Variants in RHOBTB3 observed in about 807,000 individuals in gnomAD.
RHOBTB3 encodes Rho related BTB domain containing 3, also known as rho-related BTB domain-containing protein 3.
In RHOBTB3, 47 loss-of-function variants were observed where a neutral mutation model predicts 67.2. That is an observed-to-expected ratio of 0.70 (90% CI 0.55 to 0.89). The LOEUF (loss-of-function observed/expected upper bound fraction) is 0.89, where lower values mean the gene tolerates loss of function less well. RHOBTB3 is among the 40% of genes least tolerant of loss of function. The pLI, the probability that RHOBTB3 is intolerant of heterozygous loss-of-function variation, is 0.00. For missense variants in RHOBTB3, 631 were observed against 750.0 expected, an observed-to-expected ratio of 0.84 and a Z score of 1.85; for synonymous variants, 273 against 274.2, an observed-to-expected ratio of 1.00 and a Z score of 0.04.
chr5:95,781,849 CAA>C (rs542146426), intron 9 of RHOBTB3: 19 of 58,812 alleles, frequency 3.2e-4, no homozygotes, highest in African/African-American at 2.6e-3. Flanking sequence ...GACTCCGTCT[CAA>C]AAAAAGACTT....
rs1481902347 is a variant in RHOBTB3, at chr5:95,720,715, T to C, written n.133+2950T>C. 3.9e-5 allele frequency among the ~76,000 whole-genome samples: 6 copies of C among 152,186 alleles called. No homozygotes were observed. In the East Asian group the frequency reaches 1.2e-3, roughly 29 times the overall value. On this transcript the variant is annotated intron_variant and non_coding_transcript_variant, in intron 1 of 5. Transcript: ENST00000504949. ...CCAGGGCTTCACATTTCTGAGTGTC[T>C]CATTCTTTTTGTTCATAGATAGACT...
chr5:95,768,317 C>A (rs980796125), intron 8 of RHOBTB3, 151 bp downstream of exon 8: 8 of 567,018 alleles, frequency 1.4e-5, no homozygotes, highest in African/African-American at 1.2e-4. Context: ...TCAACAAAAT[C>A]TTCCAGGTAA....
upstream of RHOBTB3, chr5:95,731,317 G>T: frequency 2.8e-6 from 3 of 1,072,854 alleles, no homozygotes; most frequent in Non-Finnish European, 3.4e-6. Flanking sequence ...CTTAGAGGAG[G>T]AGGAGCAGCG....
At position 95,731,865 on chromosome 5, in the gene RHOBTB3, C is replaced by T. The variant is rs778710244; in HGVS notation, c.9C>T (p.Ile3=). The T allele has an allele frequency of 6.2e-7, 1 of 1,612,758 alleles. No individual in the cohort carries two copies. The highest frequency in any genetic ancestry group is 1.7e-5 in the Admixed American group (1 of 59,992). The change falls in exon 2 of 12, where the codon ATC becomes ATT. Residue 3 remains isoleucine, a synonymous_variant. Coordinates refer to ENST00000379982, the MANE Select transcript of RHOBTB3 (RefSeq NM_014899.4). MS[I]HIVALGNEGD... ...GCCCCCTCTGTCCGTGCAGGTCCAT[C>T]CACATCGTGGCGCTGGGGAACGAGG...
chr5:95,736,756 A>C, intron 2 of RHOBTB3, 133 bp from the exon 3 acceptor site: 1 of 604,468 alleles, frequency 1.7e-6, no homozygotes, highest in Non-Finnish European at 2.8e-6. Flanking sequence ...GGCAGACTGC[A>C]ACACTTTTAA....
chr5:95,790,087 G>A (rs1319844933), intron 11 of RHOBTB3, among the ~76,000 whole-genome samples: 1 of 152,222 alleles, frequency 6.6e-6, no homozygotes, highest in Non-Finnish European at 1.5e-5. Flanking sequence ...GATGTATTCA[G>A]CCAGTCAACA....
intron 8 of RHOBTB3, among the ~76,000 whole-genome samples, chr5:95,771,464 T>A (rs888821314): frequency 1.3e-5 from 2 of 152,148 alleles, no homozygotes; most frequent in African/African-American, 4.8e-5. Context: ...CTGTGTGCAG[T>A]GTGAGCCTGG....
chr5:95,766,258 C>T (rs1745540182), intron 7 of RHOBTB3, among the ~76,000 whole-genome samples: 1 of 151,698 alleles, frequency 6.6e-6, no homozygotes, highest in South Asian at 2.1e-4. Context: ...ATTCTTATTA[C>T]TGCTGATGTT....
Position 95,731,575 on chromosome 5 carries a change from G to T in RHOBTB3, c.-108G>T, listed in dbSNP as rs1333640310. 5 of 1,518,628 alleles carry T rather than the reference G, an allele frequency of 3.3e-6. No homozygotes were observed. In the Admixed American group the frequency reaches 1.0e-4, roughly 32 times the overall value. The allele number at this position is 1,518,628 out of a possible 1,614,324, so 94.1% of individuals were successfully genotyped here. ...CGCGGTGGAGGCGCGCGAGGGGGAC[G>T]CGGCCGGGGATGAGCGGATTGCGGG... On this transcript the variant is annotated 5_prime_UTR_variant, in exon 1 of 12. Coordinates refer to ENST00000379982, the MANE Select transcript of RHOBTB3 (RefSeq NM_014899.4).
intron 1 of RHOBTB3, among the ~76,000 whole-genome samples, chr5:95,718,279 CAGGGGAGAAGAA>C (rs1376934441): frequency 6.6e-6 from 1 of 151,888 alleles, no homozygotes; most frequent in Non-Finnish European, 1.5e-5. Flanking sequence ...GAGTTGAAGA[CAGGGGAGAAGAA>C]AGGGGAAGTA....
intron 6 of RHOBTB3, among the ~76,000 whole-genome samples, chr5:95,758,587 A>C (rs1021220653): frequency 1.4e-4 from 21 of 152,290 alleles, no homozygotes; most frequent in African/African-American, 5.1e-4. Flanking sequence ...TGCAGGGTGG[A>C]ACAGTGCGGC....
At position 95,780,326 on chromosome 5, in the gene RHOBTB3, T is replaced by G; in HGVS notation, c.1357T>G (p.Tyr453Asp). The change falls in exon 9 of 12, where the codon TAC (tyrosine) becomes GAC (aspartate). Residue 453 changes from tyrosine to aspartate, a missense_variant. Transcript: ENST00000379982. Reference protein sequence around the residue: ...EVMAAMFNGNYMEAKSVLIPV... With the variant: ...EVMAAMFNGNDMEAKSVLIPV... ...GATGGCAGCCATGTTTAATGGTAAT[T>G]ACATGGAAGCAAAGAGTGTCCTGAT... The G allele has an allele frequency of 2.5e-6, 4 of 1,613,560 alleles. No homozygotes were observed. The highest frequency in any genetic ancestry group is 3.4e-6 in the Non-Finnish European group (4 of 1,179,444).
Position 95,755,575 on chromosome 5 carries a change from A to G in RHOBTB3, c.862A>G (p.Lys288Glu), listed in dbSNP as rs1745220049. The G allele has an allele frequency of 2.5e-6, 4 of 1,614,024 alleles. No homozygotes were observed. The African/African-American group carries it at 4.0e-5, about 16-fold the overall frequency. Residue 288 changes from lysine (K) to glutamate (E), a missense_variant, in exon 6 of 12, where the codon AAG becomes GAG. Coordinates refer to ENST00000379982, the MANE Select transcript of RHOBTB3 (RefSeq NM_014899.4). ...SHVFMLLFNV[K>E]SPTDIQDSSI... Reference sequence around the variant, plus strand: ...TGTTTTCATGCTGCTTTTCAATGTGAAGAGTCCCACTGACATTCAGGATTC... The same window carrying G: ...TGTTTTCATGCTGCTTTTCAATGTGGAGAGTCCCACTGACATTCAGGATTC...
intron 3 of RHOBTB3, among the ~76,000 whole-genome samples, chr5:95,741,098 G>A (rs1400030511): frequency 6.6e-5 from 10 of 152,192 alleles, no homozygotes; most frequent in East Asian, 3.9e-4. Flanking sequence ...GGAGGCCGAC[G>A]CGGGTGGATC....
At chr5:95,747,576 T>C (rs996360475) in intron 3 of RHOBTB3, among the ~76,000 whole-genome samples, 4 of 152,240 alleles carry the variant, frequency 2.6e-5, no homozygotes, top group Non-Finnish European at 5.9e-5. Context: ...TTTTTAGCCT[T>C]ACTAGGGATG....
intron 1 of RHOBTB3, among the ~76,000 whole-genome samples, chr5:95,720,493 T>C (rs1325260163): frequency 6.6e-6 from 1 of 152,236 alleles, no homozygotes; most frequent in African/African-American, 2.4e-5. Context: ...GAGTCTAGCA[T>C]GGAGAGTTAC....
In RHOBTB3 at chr5:95,737,045, A is replaced by G. The variant is rs1755471408; in HGVS notation, c.385A>G (p.Ile129Val). The G allele has an allele frequency of 6.3e-7, 1 of 1,599,912 alleles. No homozygotes were observed. The highest frequency in any genetic ancestry group is 2.2e-5 in the East Asian group (1 of 44,720). ...AAGAGCATTAAATTCAGTTCCAGTA[A>G]TTATTGCTGCTGTTGGTACCAGACA... is the stretch of plus-strand genomic sequence containing the variant. The part of the protein sequence containing the change: ...IKRALNSVPV[I>V]IAAVGTRQNE... The change falls in exon 3 of 12, where the codon ATT becomes GTT. Residue 129 changes from isoleucine to valine, a missense_variant. Coordinates refer to ENST00000379982, the MANE Select transcript of RHOBTB3 (RefSeq NM_014899.4).
At chr5:95,771,586 C>T (rs1163440483) in intron 8 of RHOBTB3, among the ~76,000 whole-genome samples, 1 of 152,212 alleles carries the variant, frequency 6.6e-6, no homozygotes, top group South Asian at 2.1e-4. Flanking sequence ...TTTAGAGAGA[C>T]CTATAACTGG....
intron 2 of RHOBTB3, 80 bp from the exon 3 acceptor site, chr5:95,736,809 C>A: frequency 4.1e-6 from 4 of 972,138 alleles, no homozygotes; most frequent in Non-Finnish European, 4.5e-6. Flanking sequence ...TTATGAATTC[C>A]AAAAATTAAT....
Sources: allele counts gnomAD v4.1 joint callset (sites outside exome capture counted in the v4.1 genomes callset), GRCh38; gene constraint gnomAD v4.1.1; transcripts MANE v1.5; gene names NCBI Gene and HGNC (gene_info 2026-07-23, HGNC 2026-07-21).